NRG3: variants seen among roughly 807,000 people sequenced by gnomAD.
The protein encoded by NRG3 is neuregulin 3, also known as pro-neuregulin-3, membrane-bound isoform.
NRG3 carries 31 observed loss-of-function variants against 66.9 expected under a neutral mutation model. That is an observed-to-expected ratio of 0.46 (90% CI 0.35 to 0.63). The LOEUF is 0.63. NRG3 is among the 20% of genes least tolerant of loss of function. NRG3 has a pLI of 0.00. For missense variants in NRG3, 910 were observed against 878.9 expected (o/e 1.04, Z -0.45); for synonymous variants, 393 against 359.4 (o/e 1.09, Z -1.06).
intron 2 of NRG3, among the ~76,000 whole-genome samples, chr10:82,518,375 G>A (rs931920079): frequency 4.6e-5 from 7 of 152,152 alleles, no homozygotes; most frequent in African/African-American, 1.2e-4. Flanking sequence ...GGCTGGTGCT[G>A]AGGCTATGTA....
chr10:82,118,688 G>C (rs908721368), intron 1 of NRG3, among the ~76,000 whole-genome samples: 3 of 151,958 alleles, frequency 2.0e-5, no homozygotes, highest in African/African-American at 7.3e-5. Context: ...TTTTTTGAGG[G>C]GGGATAATGT....
intron 2 of NRG3, among the ~76,000 whole-genome samples, chr10:82,591,148 C>T (rs886621851): frequency 6.6e-6 from 1 of 152,100 alleles, no homozygotes; most frequent in Non-Finnish European, 1.5e-5. Context: ...AGCATACGGC[C>T]CGGGTGACGG....
rs541798199 is a variant in NRG3 at position 82,726,831 on chromosome 10, A to G, written c.954-11746A>G. On this transcript the variant is annotated intron_variant, in intron 2 of 8. Coordinates refer to ENST00000372141, the MANE Select transcript of NRG3 (RefSeq NM_001010848.4). ...CAGGAAAGTTTGGAACTTCCTAGAGACTTGTTGAATGGCTTTGACAAAAAT... is the reference window on the plus strand; with the variant it reads ...CAGGAAAGTTTGGAACTTCCTAGAGGCTTGTTGAATGGCTTTGACAAAAAT... Among the ~76,000 whole-genome samples, 11 of 152,304 alleles carry G rather than the reference A, an allele frequency of 7.2e-5. No individual in the cohort carries two copies. In the East Asian group the frequency reaches 2.1e-3, roughly 29 times the overall value.
intron 1 of NRG3, among the ~76,000 whole-genome samples, chr10:82,306,319 G>C (rs1324558803): frequency 6.6e-6 from 1 of 152,066 alleles, no homozygotes; most frequent in Non-Finnish European, 1.5e-5. Flanking sequence ...GTACTGGAAC[G>C]ACTATTAATA....
At chr10:82,100,802 A>C (rs1387599493) in intron 1 of NRG3, among the ~76,000 whole-genome samples, 1 of 152,018 alleles carries the variant, frequency 6.6e-6, no homozygotes, top group Non-Finnish European at 1.5e-5. Context: ...GTCTGTGTTC[A>C]ACAGGAATAT....
At chr10:81,951,696 G>A (rs897586377) in intron 1 of NRG3, among the ~76,000 whole-genome samples, 12 of 152,122 alleles carry the variant, frequency 7.9e-5, no homozygotes, top group African/African-American at 1.9e-4. Flanking sequence ...CTTTTGTGAC[G>A]TCTTGGATAA....
chr10:82,390,561 T>A (rs1425791922), intron 2 of NRG3, among the ~76,000 whole-genome samples: 3 of 152,168 alleles, frequency 2.0e-5, no homozygotes, highest in Admixed American at 6.6e-5. Context: ...CACACCTACA[T>A]AATTATTAAT....
intron 2 of NRG3, among the ~76,000 whole-genome samples, chr10:82,366,132 G>T (rs575114738): frequency 4.6e-5 from 7 of 152,120 alleles, no homozygotes; most frequent in Non-Finnish European, 8.8e-5. Context: ...CATTTAATCA[G>T]AACCTTCAAT....
chr10:82,532,965 C>CT (rs548959968), intron 2 of NRG3, among the ~76,000 whole-genome samples: 5,488 of 143,238 alleles, frequency 0.038, 127 homozygotes, highest in Non-Finnish European at 0.055. Flanking sequence ...TTTGTTTGCT[C>CT]TTTTTTTTTT....
At chr10:82,667,705 T>A (rs188800270) in intron 2 of NRG3, among the ~76,000 whole-genome samples, 1 of 152,134 alleles carries the variant, frequency 6.6e-6, no homozygotes, top group Admixed American at 6.5e-5. Context: ...CAGAATCCTC[T>A]TGTGTGTGTG....
intron 1 of NRG3, among the ~76,000 whole-genome samples, chr10:82,336,502 A>T (rs76273061): frequency 0.029 from 4,357 of 149,646 alleles, 88 homozygotes; most frequent in Non-Finnish European, 0.046. Context: ...CCACCACACC[A>T]TTATCTTTCT....
intron 1 of NRG3, among the ~76,000 whole-genome samples, chr10:81,990,947 A>G (rs1589706972): frequency 6.6e-6 from 1 of 152,198 alleles, no homozygotes; most frequent in South Asian, 2.1e-4. Context: ...ATTGGTTGAA[A>G]TGAGTCAAAT....
chr10:82,194,469 C>T (rs1354867367), intron 1 of NRG3, among the ~76,000 whole-genome samples: 2 of 152,092 alleles, frequency 1.3e-5, no homozygotes, highest in Non-Finnish European at 2.9e-5. Context: ...AAAGAGGCTG[C>T]CTCAGACAGG....
chr10:82,411,175 C>T (rs545565689), intron 2 of NRG3, among the ~76,000 whole-genome samples: 1 of 152,176 alleles, frequency 6.6e-6, no homozygotes, highest in East Asian at 1.9e-4. Flanking sequence ...TTCAGCTTCC[C>T]AAAGTGCTGG....
intron 4 of NRG3, among the ~76,000 whole-genome samples, chr10:82,911,184 T>C (rs1234722044): frequency 1.3e-5 from 2 of 152,170 alleles, no homozygotes; most frequent in Admixed American, 1.3e-4. Context: ...TAATTTTGAG[T>C]TGTGAATTTT....
At chr10:82,923,257 C>T (rs1846628693) in intron 4 of NRG3, among the ~76,000 whole-genome samples, 2 of 152,226 alleles carry the variant, frequency 1.3e-5, no homozygotes, top group African/African-American at 4.8e-5. Flanking sequence ...GTGTCTGAAA[C>T]ATCCTACTGT....
At chr10:82,821,365 C>T (rs977124236) in intron 3 of NRG3, among the ~76,000 whole-genome samples, 2 of 152,160 alleles carry the variant, frequency 1.3e-5, no homozygotes, top group African/African-American at 4.8e-5. Flanking sequence ...TCCAATTCAT[C>T]GTCCATACTG....
At chr10:82,675,766 G>T (rs934814357) in intron 2 of NRG3, among the ~76,000 whole-genome samples, 2 of 152,130 alleles carry the variant, frequency 1.3e-5, no homozygotes, top group African/African-American at 4.8e-5. Context: ...GAGGGGAGTT[G>T]GCTAGATCAG....
chr10:82,783,227 A>G (rs2060195016), intron 3 of NRG3, among the ~76,000 whole-genome samples: 1 of 151,896 alleles, frequency 6.6e-6, no homozygotes, highest in Non-Finnish European at 1.5e-5. Flanking sequence ...AGAGCTATCT[A>G]TGACAAACCC....
Sources: gnomAD v4.1 joint callset for allele counts (sites outside exome capture counted in the v4.1 genomes callset) on GRCh38, gnomAD v4.1.1 for gene constraint, MANE v1.5 for transcripts, NCBI Gene and HGNC (gene_info 2026-07-23, HGNC 2026-07-21) for gene names.